The following SH2B1 variants were observed in gnomAD, a reference collection of about 807,000 sequenced individuals.
The protein encoded by SH2B1 is SH2B adaptor protein 1.
Under a neutral mutation model 62.6 loss-of-function variants are expected in SH2B1, and 15 were observed. The ratio of observed to expected loss-of-function variants is 0.24; its 90% confidence interval spans 0.16 to 0.37. SH2B1 has a LOEUF of 0.37. Ranked by LOEUF, SH2B1 falls within the 10% of genes least tolerant of loss-of-function variation. The pLI is 1.00. For synonymous variants in SH2B1, 443 were observed against 438.0 expected (o/e 1.01, Z -0.14); for missense variants, 925 against 1,015.6 (o/e 0.91, Z 1.21).
intron 1 of SH2B1, among the ~76,000 whole-genome samples, chr16:28,853,821 A>G (rs1038660867): frequency 2.0e-5 from 3 of 151,222 alleles, no homozygotes; most frequent in Non-Finnish European, 4.4e-5. Context: ...AACACGGTGA[A>G]ACCCCATCTC....
At chr16:28,868,296 C>A (rs373149621) in intron 2 of SH2B1, among the ~76,000 whole-genome samples, 1 of 151,900 alleles carries the variant, frequency 6.6e-6, no homozygotes, top group Non-Finnish European at 1.5e-5. Flanking sequence ...TCCGCCACCA[C>A]GCCCGGATAA....
Position 28,872,055 on chromosome 16 carries a change from C to T in SH2B1, c.1513+72C>T, listed in dbSNP as rs966775368. The T allele has an allele frequency of 4.5e-5, 60 of 1,347,936 alleles. No individual in the cohort carries two copies. Among genetic ancestry groups the T allele is most frequent in the Non-Finnish European group, 5.9e-5 (56 of 943,742 alleles). The allele number at this position is 1,347,936 out of a possible 1,614,324, so 83.5% of individuals were successfully genotyped here. On this transcript the variant is annotated intron_variant, in intron 5 of 7. Transcript: ENST00000684370. This position sits in a 1 kb window ranked among gnomAD's most constrained non-coding sequence, Gnocchi z 5.3. ...TTCCTGACCACCTCTCCTGGGATCC[C>T]GAGGGAGCTGGCCCAGGGGAGTTGG...
intron 1 of SH2B1, among the ~76,000 whole-genome samples, chr16:28,853,307 A>G (rs1025967584): frequency 3.4e-5 from 5 of 148,770 alleles, no homozygotes; most frequent in Non-Finnish European, 5.9e-5. Context: ...GCCAGGTTGA[A>G]GCAATTCTGC....
chr16:28,858,943 C>CA (rs141782037), upstream of SH2B1, among the ~76,000 whole-genome samples: 2,193 of 104,424 alleles, frequency 0.021, 31 homozygotes, highest in African/African-American at 0.045. Context: ...GACTGTTTCT[C>CA]AAAAAAAAAA....
chr16:28,849,599 C>T (rs1436946073), intron 1 of SH2B1, among the ~76,000 whole-genome samples: 1 of 151,800 alleles, frequency 6.6e-6, no homozygotes, highest in Non-Finnish European at 1.5e-5. Context: ...TTTAAAAAAA[C>T]AGATCAACTT....
chr16:28,869,956 A>G (rs1168858699), intron 4 of SH2B1, among the ~76,000 whole-genome samples: 1 of 152,212 alleles, frequency 6.6e-6, no homozygotes, highest in Non-Finnish European at 1.5e-5. Flanking sequence ...GTATTCAGTG[A>G]ATGAACACAT....
chr16:28,853,086 ATT>A lies in SH2B1; in HGVS notation c.-301+6261_-301+6262del, dbSNP rs1472072480. 1.6e-3 allele frequency among the ~76,000 whole-genome samples: 185 copies of A among 113,954 alleles called. 4 individuals carry two copies. Among genetic ancestry groups the A allele is most frequent in the Non-Finnish European group, 2.6e-3 (158 of 60,108 alleles). The allele number at this position is 113,954 out of a possible 152,430, so 74.8% of individuals were successfully genotyped here. A position where few individuals can be genotyped will look rare whatever the true frequency, so the allele number is the denominator to read the frequency against. ...TATATGTACATATATATTTATATATATTTATACATATATATTTATATATACAT... is the reference window on the plus strand; with the variant it reads ...TATATGTACATATATATTTATATATATATACATATATATTTATATATACAT... On this transcript the variant is annotated intron_variant, in intron 1 of 10. Coordinates refer to the SH2B1 transcript ENST00000322610.
chr16:28,852,815 T>TA (rs1189880421), intron 1 of SH2B1, among the ~76,000 whole-genome samples: 1 of 57,280 alleles, frequency 1.7e-5, no homozygotes, highest in Admixed American at 3.2e-4. Flanking sequence ...TTTACATATA[T>TA]TTACATATAT....
intron 2 of SH2B1, among the ~76,000 whole-genome samples, chr16:28,867,734 G>A (rs1048818065): frequency 2.6e-5 from 4 of 152,156 alleles, no homozygotes; most frequent in African/African-American, 7.2e-5. Flanking sequence ...CTGTAGCCTC[G>A]TGTAGCCTCG....
chr16:28,869,126 G>A (rs370729451), intron 3 of SH2B1, 29 bp downstream of exon 3: 188 of 1,613,456 alleles, frequency 1.2e-4, no homozygotes, highest in Non-Finnish European at 1.4e-4. Flanking sequence ...GTCGCTAAGG[G>A]ACATAGAGTG....
rs370228715 is a variant in SH2B1 at position 28,869,116 on chromosome 16, G to A, written c.1133+19G>A. ...GCCCAGGGTGAGAAGCCTGACTTCT[G>A]TCGCTAAGGGACATAGAGTGGGGTT... is the stretch of plus-strand genomic sequence containing the variant. On this transcript the variant is annotated intron_variant, in intron 3 of 7. Transcript: ENST00000684370. The A allele has an allele frequency of 4.0e-5, 64 of 1,613,740 alleles. No homozygotes were observed. Among genetic ancestry groups the A allele is most frequent in the Non-Finnish European group, 5.4e-5 (64 of 1,179,758 alleles).
In SH2B1 at chr16:28,873,074, C is replaced by G; in HGVS notation, c.1897+369C>G. The G allele has an allele frequency of 3.6e-6, 3 of 840,302 alleles. No individual in the cohort carries two copies. The highest frequency in any genetic ancestry group is 1.7e-5 in the African/African-American group (1 of 58,390). 52.1% of individuals were successfully genotyped at this position (840,302 alleles called of 1,614,324 possible). On this transcript the variant is annotated intron_variant, in intron 7 of 7. Coordinates refer to ENST00000684370, the MANE Select transcript of SH2B1 (RefSeq NM_001387430.1). This position sits in a 1 kb window ranked among gnomAD's most constrained non-coding sequence, Gnocchi z 4.2. ...TTCCCGGGGACACTCGGTCTGATCC[C>G]CTTCCCTCCTCCCTCAATGTCTCAT...
chr16:28,873,173 G>C lies in SH2B1; in HGVS notation c.1898-274G>C. The stretch of plus-strand genomic sequence containing the variant: ...CCCACGTTGCCCCTCCCCCCAGGCC[G>C]GGAGCAGGCTGGGAGCCATGCGGGG... On this transcript the variant is annotated intron_variant, in intron 7 of 7. Transcript: ENST00000684370. This position sits in a 1 kb window ranked among gnomAD's most constrained non-coding sequence, Gnocchi z 4.2. 6.4e-7 allele frequency: 1 copy of C among 1,563,878 alleles called. No homozygotes were observed. The highest frequency in any genetic ancestry group is 2.3e-5 in the East Asian group (1 of 43,718).
rs1217313943 is a variant in SH2B1 at position 28,852,801 on chromosome 16, TATATTTAC to T, written c.-301+5979_-301+5986del. Among the ~76,000 whole-genome samples, 137 of 65,174 alleles carry T rather than the reference TATATTTAC, an allele frequency of 2.1e-3. 26 individuals carry two copies. Among genetic ancestry groups the T allele is most frequent in the African/African-American group, 7.7e-3 (109 of 14,184 alleles). 42.8% of individuals were successfully genotyped at this position (65,174 alleles called of 152,430 possible). ...ATATATTTACATATATATTTACATA[TATATTTAC>T]ATATATTTACATATATATTTATATA... On this transcript the variant is annotated intron_variant, in intron 1 of 10. Coordinates refer to the SH2B1 transcript ENST00000322610.
At chr16:28,856,880 GA>G in intron 1 of SH2B1, among the ~76,000 whole-genome samples, 1 of 152,216 alleles carries the variant, frequency 6.6e-6, no homozygotes, top group South Asian at 2.1e-4. Context: ...TGCCAACCCT[GA>G]GTGTGCTTCC....
Position 28,872,926 on chromosome 16 carries a change from A to G in SH2B1, c.1897+221A>G, listed in dbSNP as rs1963123896. ...GGCTCCTGGCCGGAGCCGGGGCGGCAGCTGAGAGGTGGGCGGGCGCATCCC... is the reference window on the plus strand; with the variant it reads ...GGCTCCTGGCCGGAGCCGGGGCGGCGGCTGAGAGGTGGGCGGGCGCATCCC... On this transcript the variant is annotated intron_variant, in intron 7 of 7. Coordinates refer to ENST00000684370, the MANE Select transcript of SH2B1 (RefSeq NM_001387430.1). This position sits in a 1 kb window ranked among gnomAD's most constrained non-coding sequence, Gnocchi z 5.3. 2 of 681,592 alleles carry G rather than the reference A, an allele frequency of 2.9e-6. No homozygotes were observed. Among genetic ancestry groups the G allele is most frequent in the South Asian group, 3.7e-5 (2 of 54,320 alleles). The allele number at this position is 681,592 out of a possible 1,614,324, so 42.2% of individuals were successfully genotyped here. A position where few individuals can be genotyped will look rare whatever the true frequency, so the allele number is the denominator to read the frequency against.
At chr16:28,852,809 C>CATATATATTTATAT (rs1253366604) in intron 1 of SH2B1, among the ~76,000 whole-genome samples, 8 of 39,494 alleles carry the variant, frequency 2.0e-4, no homozygotes, top group African/African-American at 8.1e-4. Flanking sequence ...TATATATTTA[C>CATATATATTTATAT]ATATATTTAC....
intron 4 of SH2B1, among the ~76,000 whole-genome samples, chr16:28,870,579 T>C (rs1962970834): frequency 6.6e-6 from 1 of 151,936 alleles, no homozygotes; most frequent in Non-Finnish European, 1.5e-5. Context: ...AGAAGGAGCA[T>C]CTTTGATGCC....
chr16:28,864,826 A>C lies in SH2B1; in HGVS notation c.-1269A>C. 3.5e-6 allele frequency: 1 copy of C among 288,088 alleles called. No individual in the cohort carries two copies. The highest frequency in any genetic ancestry group is 5.2e-6 in the Non-Finnish European group (1 of 192,680). The allele number at this position is 288,088 out of a possible 1,614,324, so 17.8% of individuals were successfully genotyped here. A position where few individuals can be genotyped will look rare whatever the true frequency, so the allele number is the denominator to read the frequency against. On this transcript the variant is annotated 5_prime_UTR_variant, in exon 1 of 8. Transcript: ENST00000684370. ...ATTGGAACAATAATATTCTTCTCCC[A>C]CATGAAGATAGTAACAATGGCAGTC...
Sources: allele counts gnomAD v4.1 joint callset (sites outside exome capture counted in the v4.1 genomes callset), GRCh38; gene constraint gnomAD v4.1.1; non-coding constraint Gnocchi (gnomAD v3.1); transcripts MANE v1.5; gene names NCBI Gene and HGNC (gene_info 2026-07-23, HGNC 2026-07-21).